GRIK5: variants seen among roughly 807,000 people sequenced by gnomAD.
The protein encoded by GRIK5 is glutamate receptor ionotropic, kainate 5.
Under a neutral mutation model 97.4 loss-of-function variants are expected in GRIK5, and 43 were observed. The ratio of observed to expected loss-of-function variants is 0.44; its 90% CI spans 0.35 to 0.57. The LOEUF is 0.57. Among genes scored for constraint, GRIK5 ranks in the 20% least tolerant of loss-of-function variants. The probability of loss-of-function intolerance (pLI) is 0.01; values close to 1 mark genes in which losing one functional copy is unlikely to be tolerated. For missense variants in GRIK5, 1,015 were observed against 1,382.0 expected (o/e 0.73, Z 4.21); for synonymous variants, 580 against 583.5 (o/e 0.99, Z 0.09).
rs957638211 is a variant in GRIK5, at chr19:42,069,771, G to A, written c.-581C>T. Among the ~76,000 whole-genome samples the A allele has an allele frequency of 4.0e-5, 6 of 151,890 alleles. No homozygotes were observed. Among genetic ancestry groups the A allele is most frequent in the African/African-American group, 1.5e-4 (6 of 41,372 alleles). On this transcript the variant is annotated 5_prime_UTR_variant, in exon 1 of 20. Transcript: ENST00000593562. ...GCCCCCTTTCCCCCTCCCCCCTGGA[G>A]CCTGGGCCCTGCCCTGGTTGAGGCA...
At chr19:42,010,695 C>T (rs558067079) in intron 15 of GRIK5, among the ~76,000 whole-genome samples, 1 of 152,182 alleles carries the variant, frequency 6.6e-6, no homozygotes, top group Non-Finnish European at 1.5e-5. Flanking sequence ...AAAAGAAACA[C>T]AACACCAGAT....
chr19:42,014,828 G>T (rs565028421), intron 15 of GRIK5, among the ~76,000 whole-genome samples: 3 of 152,200 alleles, frequency 2.0e-5, no homozygotes, highest in Admixed American at 2.0e-4. Context: ...GCCAAGATGG[G>T]AGAATCACTT....
intron 11 of GRIK5, among the ~76,000 whole-genome samples, chr19:42,047,536 A>C (rs1458002825): frequency 6.6e-6 from 1 of 152,162 alleles, no homozygotes; most frequent in Non-Finnish European, 1.5e-5. Context: ...ACAAAGACAG[A>C]CAAACAGACA....
At chr19:42,059,606 TG>T in intron 5 of GRIK5, 79 bp from the exon 6 acceptor site, 1 of 1,231,674 alleles carries the variant, frequency 8.1e-7, no homozygotes, top group Admixed American at 1.9e-5. Context: ...CTCCTCAACA[TG>T]GGGCAGCTGG....
chr19:42,033,643 A>G (rs2075866903), intron 12 of GRIK5, among the ~76,000 whole-genome samples: 1 of 152,110 alleles, frequency 6.6e-6, no homozygotes, highest in Non-Finnish European at 1.5e-5. Flanking sequence ...ATGCCACTGA[A>G]TTGCACTCCT....
intron 12 of GRIK5, among the ~76,000 whole-genome samples, chr19:42,023,933 C>T (rs1275079908): frequency 2.0e-5 from 3 of 152,190 alleles, no homozygotes; most frequent in Admixed American, 6.5e-5. Context: ...AAGACAAAAC[C>T]TTCTCATGGC....
rs571957758 is a variant in GRIK5, at chr19:42,003,788, C to T, written c.2264-105G>A. The T allele has an allele frequency of 8.7e-5, 112 of 1,291,512 alleles. 2 individuals carry two copies. The highest frequency in any genetic ancestry group is 6.7e-4 in the South Asian group (43 of 64,376). 80.0% of individuals were successfully genotyped at this position (1,291,512 alleles called of 1,614,324 possible). ...CCACGGCCTTCCCCCGCCTCTACCACGTGCCCAGGGTCTTCCCTGCAGCCT... is the reference window on the plus strand; with the variant it reads ...CCACGGCCTTCCCCCGCCTCTACCATGTGCCCAGGGTCTTCCCTGCAGCCT... On this transcript the variant is annotated intron_variant, in intron 17 of 19. Transcript: ENST00000593562. This position sits in a 1 kb window ranked among gnomAD's most constrained non-coding sequence, Gnocchi z 4.2.
chr19:42,040,475 G>A (rs1385182984), intron 12 of GRIK5, among the ~76,000 whole-genome samples: 2 of 152,254 alleles, frequency 1.3e-5, no homozygotes, highest in Admixed American at 6.5e-5. Context: ...TCACGAGGAA[G>A]CCTGTGCCCT....
rs572558235 is a variant in GRIK5 at position 42,042,279 on chromosome 19, G to A, written c.1473+273C>T. 1.1e-4 allele frequency among the ~76,000 whole-genome samples: 17 copies of A among 152,204 alleles called. No homozygotes were observed. The highest frequency in any genetic ancestry group is 3.6e-4 in the African/African-American group (15 of 41,518). Reference sequence around the variant, plus strand: ...TTCACTTAACAAATCTTTGCACACCGACTAATCCAAGGTGGCATGAAAGGG... The same window carrying A: ...TTCACTTAACAAATCTTTGCACACCAACTAATCCAAGGTGGCATGAAAGGG... On this transcript the variant is annotated intron_variant, in intron 12 of 19. Coordinates refer to ENST00000593562, the MANE Select transcript of GRIK5 (RefSeq NM_002088.5). This position sits in a 1 kb window ranked among gnomAD's most constrained non-coding sequence, Gnocchi z 6.9.
In GRIK5 at chr19:42,002,146, G is replaced by C; in HGVS notation, c.2514+1186C>G. 3 of 717,618 alleles carry C rather than the reference G, an allele frequency of 4.2e-6. No homozygotes were observed. The South Asian group carries it at 4.4e-5, about 11-fold the overall frequency. 44.5% of individuals were successfully genotyped at this position (717,618 alleles called of 1,614,324 possible). On this transcript the variant is annotated intron_variant, in intron 19 of 19. Coordinates refer to ENST00000593562, the MANE Select transcript of GRIK5 (RefSeq NM_002088.5). The surrounding 1 kb of genome is among the most constrained non-coding windows in gnomAD (Gnocchi z 5.2). ...ATGGAAGTTGCTGGTGACAAGAGTG[G>C]CTTCAGTGGAGTGGCAGGGACCGAT...
At position 42,052,338 on chromosome 19, in the gene GRIK5, G is replaced by A. The variant is rs547172978; in HGVS notation, c.1269+1264C>T. ...CTCCAGGAGGCTTCAGGGATTGACC[G>A]CACACCACAGCACAGAGGGTCTGAC... On this transcript the variant is annotated intron_variant, in intron 11 of 19. Coordinates refer to ENST00000593562, the MANE Select transcript of GRIK5 (RefSeq NM_002088.5). Among the ~76,000 whole-genome samples the A allele has an allele frequency of 1.0e-3, 159 of 152,062 alleles. 3 individuals carry two copies. The South Asian group carries it at 0.03, about 28-fold the overall frequency.
At chr19:42,027,100 T>A (rs2075781057) in intron 12 of GRIK5, among the ~76,000 whole-genome samples, 2 of 152,150 alleles carry the variant, frequency 1.3e-5, no homozygotes, top group South Asian at 4.1e-4. Context: ...ATTCTTTCAT[T>A]TATTTACCTG....
rs1164923439 is a variant in GRIK5, at chr19:42,035,224, G to A, written c.1473+7328C>T. On this transcript the variant is annotated intron_variant, in intron 12 of 19. Coordinates refer to ENST00000593562, the MANE Select transcript of GRIK5 (RefSeq NM_002088.5). ...TCGAATTCCCAACCTCAGGTGATCC[G>A]CCCACCTCGGCCTCCCAAAGTGCTG... 3.3e-5 allele frequency among the ~76,000 whole-genome samples: 5 copies of A among 151,590 alleles called. No individual in the cohort carries two copies. In the East Asian group the frequency reaches 5.9e-4, roughly 18 times the overall value.
In GRIK5 at chr19:41,999,114, G is replaced by T; in HGVS notation, c.2700C>A (p.Gly900=). ...LYSAGAGGDA[G]SAHGGPQRLL... is the part of the protein sequence containing the mutation. ...GGCGCTGCGGGCCCCCGTGCGCGCT[G>T]CCCGCATCCCCGCCCGCGCCGGCCG... Residue 900 remains glycine (G), a synonymous_variant, in exon 20 of 20, where the codon GGC becomes GGA. Transcript: ENST00000593562. The surrounding 1 kb of genome is among the most constrained non-coding windows in gnomAD (Gnocchi z 5.0). The T allele has an allele frequency of 7.1e-7, 1 of 1,401,810 alleles. No homozygotes were observed. The highest frequency in any genetic ancestry group is 9.2e-7 in the Non-Finnish European group (1 of 1,084,046). The allele number at this position is 1,401,810 out of a possible 1,614,324, so 86.8% of individuals were successfully genotyped here.
At chr19:42,063,669 A>T (rs2076289988) in intron 3 of GRIK5, 1 of 227,140 alleles carries the variant, frequency 4.4e-6, no homozygotes, top group African/African-American at 2.3e-5. Flanking sequence ...TTGAGAGAGC[A>T]TTTCTGAAAA....
At chr19:42,028,612 A>G (rs981572008) in intron 12 of GRIK5, among the ~76,000 whole-genome samples, 1 of 152,238 alleles carries the variant, frequency 6.6e-6, no homozygotes, top group Non-Finnish European at 1.5e-5. Flanking sequence ...ACCAGCTGTA[A>G]GCACCTCTCC....
chr19:42,067,864 T>A (rs2076359556), intron 1 of GRIK5, among the ~76,000 whole-genome samples: 1 of 152,086 alleles, frequency 6.6e-6, no homozygotes, highest in South Asian at 2.1e-4. Context: ...GGTCCAGGAC[T>A]CAGCCCCAGA....
rs1052591811 is a variant in GRIK5 at position 42,069,765 on chromosome 19, C to T, written c.-575G>A. Among the ~76,000 whole-genome samples the T allele has an allele frequency of 6.6e-6, 1 of 151,736 alleles. No individual in the cohort carries two copies. ...GGGGCCGCCCCCTTTCCCCCTCCCC[C>T]CTGGAGCCTGGGCCCTGCCCTGGTT... is the stretch of plus-strand genomic sequence containing the variant. On this transcript the variant is annotated 5_prime_UTR_variant, in exon 1 of 20. Transcript: ENST00000593562.
Position 41,999,118 on chromosome 19 carries a change from G to T in GRIK5, c.2696C>A (p.Ala899Glu). The stretch of plus-strand genomic sequence containing the variant: ...CTGCGGGCCCCCGTGCGCGCTGCCC[G>T]CATCCCCGCCCGCGCCGGCCGAGTA... ...KLYSAGAGGD[A>E]GSAHGGPQRL... Residue 899 changes from alanine to glutamate, a missense_variant, in exon 20 of 20, where the codon GCG (alanine) becomes GAG (glutamate). Coordinates refer to ENST00000593562, the MANE Select transcript of GRIK5 (RefSeq NM_002088.5). This position sits in a 1 kb window ranked among gnomAD's most constrained non-coding sequence, Gnocchi z 5.0. 1 of 1,411,476 alleles carries T rather than the reference G, an allele frequency of 7.1e-7. No individual in the cohort carries two copies. The highest frequency in any genetic ancestry group is 1.5e-5 in the South Asian group (1 of 67,908). The allele number at this position is 1,411,476 out of a possible 1,614,324, so 87.4% of individuals were successfully genotyped here. A position where few individuals can be genotyped will look rare whatever the true frequency, so the allele number is the denominator to read the frequency against.
Sources: gnomAD v4.1 joint callset for allele counts (sites outside exome capture counted in the v4.1 genomes callset) on GRCh38, gnomAD v4.1.1 for gene constraint, Gnocchi (gnomAD v3.1) non-coding constraint, MANE v1.5 for transcripts, NCBI Gene and HGNC (gene_info 2026-07-23, HGNC 2026-07-21) for gene names.